Variants in MBD5 observed in about 807,000 individuals in gnomAD.
MBD5 encodes methyl-CpG binding domain protein 5.
A neutral mutation model predicts 117.3 loss-of-function variants in MBD5; 13 were observed. The ratio of observed to expected loss-of-function variants is 0.11; its 90% CI spans 0.07 to 0.18. MBD5 has a LOEUF of 0.18. MBD5 is among the 10% of genes least tolerant of loss of function. MBD5 has a pLI of 1.00. For missense variants in MBD5, 1,879 were observed against 2,093.8 expected, an observed-to-expected ratio of 0.90 and a Z score of 2.00; for synonymous variants, 727 against 766.4, an observed-to-expected ratio of 0.95 and a Z score of 0.85.
rs1031748391 is a variant in MBD5 at position 148,218,966 on chromosome 2, G to T, written c.-830-14279G>T. Among the ~76,000 whole-genome samples, 9 of 152,022 alleles carry T rather than the reference G, an allele frequency of 5.9e-5. No individual in the cohort carries two copies. The South Asian group carries it at 1.9e-3, about 32-fold the overall frequency. ...AGGCTACACTAAATTTATTTTAAAAGTTTTTTTCTACAATAACAAATTAAC... is the reference window on the plus strand; with the variant it reads ...AGGCTACACTAAATTTATTTTAAAATTTTTTTTCTACAATAACAAATTAAC... On this transcript the variant is annotated intron_variant, in intron 2 of 13. Coordinates refer to ENST00000642680, the MANE Select transcript of MBD5 (RefSeq NM_001378120.1).
intron 4 of MBD5, among the ~76,000 whole-genome samples, chr2:148,352,543 A>C (rs1703271981): frequency 6.6e-6 from 1 of 151,962 alleles, no homozygotes; most frequent in Admixed American, 6.6e-5. Context: ...CCTGTTTCTT[A>C]ACTCCTCACA....
At chr2:148,247,533 A>G (rs1700366915) in intron 3 of MBD5, among the ~76,000 whole-genome samples, 1 of 152,212 alleles carries the variant, frequency 6.6e-6, no homozygotes, top group Non-Finnish European at 1.5e-5. Flanking sequence ...TTTAACAAAC[A>G]TAACAGCTAC....
At chr2:148,061,186 C>G (rs977313591) in intron 1 of MBD5, among the ~76,000 whole-genome samples, 2 of 152,008 alleles carry the variant, frequency 1.3e-5, no homozygotes, top group Non-Finnish European at 2.9e-5. Context: ...TGTTCTTCCC[C>G]TGTATCATAA....
chr2:148,249,208 A>G (rs537870159), intron 3 of MBD5, among the ~76,000 whole-genome samples: 15 of 152,348 alleles, frequency 9.8e-5, no homozygotes, highest in African/African-American at 3.6e-4. Context: ...GACATTCACA[A>G]TATATCTAAT....
In MBD5 at chr2:148,483,655, C is replaced by T. The variant is rs1181595893; in HGVS notation, c.3064C>T (p.Pro1022Ser). ...AGATCTTTTGCAACAGCAAAATACC[C>T]CTTTACCCTCATTAACACAGATGAC... ...ISDLLQQQNT[P>S]LPSLTQMTAP... Residue 1022 changes from proline (P) to serine (S), a missense_variant, in exon 9 of 14, where the codon CCT (proline) becomes TCT (serine). This residue lies in a region of MBD5 where 1,666 missense variants were observed against 1,792.2 expected (regional missense o/e 0.93). Transcript: ENST00000642680. 1.9e-6 allele frequency: 3 copies of T among 1,550,752 alleles called. No homozygotes were observed. The highest frequency in any genetic ancestry group is 2.0e-5 in the Admixed American group (1 of 50,982).
In MBD5 at chr2:148,120,294, G is replaced by A. The variant is rs1696737821; in HGVS notation, c.-924-58406G>A. Among the ~76,000 whole-genome samples the A allele has an allele frequency of 2.0e-5, 3 of 152,166 alleles. No individual in the cohort carries two copies. In the South Asian group the frequency reaches 6.2e-4, roughly 32 times the overall value. On this transcript the variant is annotated intron_variant, in intron 1 of 13. Coordinates refer to ENST00000642680, the MANE Select transcript of MBD5 (RefSeq NM_001378120.1). ...GTTTTGGTTATTCCTGCATTTCCATGTGAAATTCTAATCAGCTTGTCAGTT... is the reference window on the plus strand; with the variant it reads ...GTTTTGGTTATTCCTGCATTTCCATATGAAATTCTAATCAGCTTGTCAGTT...
chr2:148,313,336 C>T (rs920556094), intron 3 of MBD5, among the ~76,000 whole-genome samples: 30 of 152,206 alleles, frequency 2.0e-4, no homozygotes, highest in Middle Eastern at 3.2e-3. Flanking sequence ...GCCTTTCTTT[C>T]AGAGATGCTG....
intron 5 of MBD5, among the ~76,000 whole-genome samples, chr2:148,461,293 G>A (rs567798140): frequency 2.0e-4 from 30 of 152,076 alleles, no homozygotes; most frequent in African/African-American, 7.0e-4. Context: ...TCCCTGCAGT[G>A]GTTGAACTCG....
intron 2 of MBD5, among the ~76,000 whole-genome samples, chr2:148,209,563 T>C (rs1408224389): frequency 6.6e-6 from 1 of 152,080 alleles, no homozygotes; most frequent in Non-Finnish European, 1.5e-5. Context: ...TAAGGCACTT[T>C]GTTATAGAAG....
At chr2:148,032,202 A>G (rs1032444920) in intron 1 of MBD5, among the ~76,000 whole-genome samples, 1 of 152,108 alleles carries the variant, frequency 6.6e-6, no homozygotes, top group African/African-American at 2.4e-5. Context: ...TGTTGTTACT[A>G]TTATGTGCTC....
intron 4 of MBD5, among the ~76,000 whole-genome samples, chr2:148,363,632 A>C (rs988224932): frequency 1.3e-5 from 2 of 152,170 alleles, no homozygotes; most frequent in African/African-American, 4.8e-5. Context: ...CCAGGCAAAC[A>C]GGGTCTGGAG....
At chr2:148,147,278 T>A (rs183895550) in intron 1 of MBD5, among the ~76,000 whole-genome samples, 293 of 152,104 alleles carry the variant, frequency 1.9e-3, no homozygotes, top group Middle Eastern at 3.4e-3. Flanking sequence ...AGTCTCGCAC[T>A]GTCACCCAGG....
intron 4 of MBD5, among the ~76,000 whole-genome samples, chr2:148,422,274 G>C (rs1705632962): frequency 6.6e-6 from 1 of 152,268 alleles, no homozygotes; most frequent in African/African-American, 2.4e-5. Context: ...GCCTCTGCTG[G>C]TGATACCCAG....
rs1704927476 is a variant in MBD5 at position 148,401,721 on chromosome 2, A to T, written c.-556-56482A>T. Among the ~76,000 whole-genome samples, 4 of 152,252 alleles carry T rather than the reference A, an allele frequency of 2.6e-5. No individual in the cohort carries two copies. In the South Asian group the frequency reaches 8.3e-4, roughly 32 times the overall value. On this transcript the variant is annotated intron_variant, in intron 4 of 13. Transcript: ENST00000642680. ...TAATTATCAAAACTAAGACATTAAC[A>T]TTGGTACAGTATTGTTAGCTAAAGG... is the stretch of plus-strand genomic sequence containing the variant.
In MBD5 at chr2:148,469,091, C is replaced by T; in HGVS notation, c.1148C>T (p.Ser383Leu). 6.2e-7 allele frequency: 1 copy of T among 1,614,060 alleles called. No homozygotes were observed. Among genetic ancestry groups the T allele is most frequent in the South Asian group, 1.1e-5 (1 of 91,078 alleles). ...ATCATTAATCCAACCAGTTTCCATT[C>T]AAATGTCCACTCTCAGGTACCTATG... ...PVIINPTSFH[S>L]NVHSQVPMMN... The change falls in exon 8 of 14, where the codon TCA becomes TTA. Residue 383 changes from serine to leucine, a missense_variant. Physicochemically the swap from Ser to Leu is moderately radical, Grantham distance 145. This residue lies in a region of MBD5 where 1,666 missense variants were observed against 1,792.2 expected (regional missense o/e 0.93). Coordinates refer to ENST00000642680, the MANE Select transcript of MBD5 (RefSeq NM_001378120.1).
At chr2:148,167,970 T>C (rs1209051984) in intron 1 of MBD5, among the ~76,000 whole-genome samples, 1 of 152,250 alleles carries the variant, frequency 6.6e-6, no homozygotes, top group Non-Finnish European at 1.5e-5. Flanking sequence ...GCCTATATTT[T>C]ACCATATTGC....
At chr2:148,478,446 G>A (rs1455870790) in intron 8 of MBD5, among the ~76,000 whole-genome samples, 2 of 152,020 alleles carry the variant, frequency 1.3e-5, no homozygotes, top group African/African-American at 4.8e-5. Context: ...AGCCGGGCGT[G>A]CCTCAGGAGG....
At chr2:148,177,409 TA>T (rs1427950372) in intron 1 of MBD5, among the ~76,000 whole-genome samples, 2 of 152,208 alleles carry the variant, frequency 1.3e-5, no homozygotes, top group Non-Finnish European at 2.9e-5. Context: ...TTAAGTGCAT[TA>T]CAGTTTGAGA....
chr2:148,045,934 T>G (rs2105719750), intron 1 of MBD5, among the ~76,000 whole-genome samples: 1 of 151,750 alleles, frequency 6.6e-6, no homozygotes, highest in Admixed American at 6.6e-5. Flanking sequence ...GTCAAACAGT[T>G]CACCAAGGGC....
Sources: gnomAD v4.1 joint callset for allele counts (sites outside exome capture counted in the v4.1 genomes callset) on GRCh38, gnomAD v4.1.1 for gene constraint, gnomAD v4.1.1 regional missense constraint, MANE v1.5 for transcripts, NCBI Gene and HGNC (gene_info 2026-07-23, HGNC 2026-07-21) for gene names.